EPHB1: variants seen among roughly 807,000 people sequenced by gnomAD.
The protein encoded by EPHB1 is EPH receptor B1, also known as ephrin type-B receptor 1.
In EPHB1, 30 loss-of-function variants were observed where a neutral mutation model predicts 94.4. The observed-to-expected ratio is 0.32, with a 90% CI of 0.24 to 0.43. The LOEUF is 0.43. EPHB1 is among the 20% of genes least tolerant of loss of function. The probability of loss-of-function intolerance (pLI) is 1.00; values close to 1 mark genes in which losing one functional copy is unlikely to be tolerated. For synonymous variants in EPHB1, 522 were observed against 489.1 expected (o/e 1.07, Z -0.89); for missense variants, 1,055 against 1,308.3 (o/e 0.81, Z 2.99).
intron 3 of EPHB1, among the ~76,000 whole-genome samples, chr3:134,975,340 G>C (rs1009050058): frequency 6.6e-6 from 1 of 152,152 alleles, no homozygotes; most frequent in Admixed American, 6.5e-5. Context: ...ATGCAGAACT[G>C]GGGTGGATTT....
At chr3:135,061,002 A>G (rs564251216) in intron 3 of EPHB1, among the ~76,000 whole-genome samples, 186 of 151,928 alleles carry the variant, frequency 1.2e-3, no homozygotes, top group African/African-American at 4.1e-3. Context: ...CATGAGTTCA[A>G]TTGTTTTGTT....
At chr3:134,856,826 T>C (rs2037130892) in intron 1 of EPHB1, among the ~76,000 whole-genome samples, 1 of 152,260 alleles carries the variant, frequency 6.6e-6, no homozygotes, top group African/African-American at 2.4e-5. Flanking sequence ...CTTTTATTGA[T>C]GTGACTAAAA....
chr3:134,986,313 T>A (rs1488435850), intron 3 of EPHB1, among the ~76,000 whole-genome samples: 3 of 152,120 alleles, frequency 2.0e-5, no homozygotes, highest in Non-Finnish European at 2.9e-5. Flanking sequence ...CAAGTAGGGG[T>A]GCTTTGTCTC....
intron 10 of EPHB1, among the ~76,000 whole-genome samples, chr3:135,186,499 T>G (rs1012510422): frequency 6.6e-6 from 1 of 152,238 alleles, no homozygotes; most frequent in Non-Finnish European, 1.5e-5. Flanking sequence ...TCTTTAAAAA[T>G]TCCATTTCTG....
chr3:134,795,551 G>C lies in EPHB1; in HGVS notation c.-81G>C. 3 of 1,380,352 alleles carry C rather than the reference G, an allele frequency of 2.2e-6. No individual in the cohort carries two copies. The highest frequency in any genetic ancestry group is 3.0e-6 in the Non-Finnish European group (3 of 996,866). The allele number at this position is 1,380,352 out of a possible 1,614,324, so 85.5% of individuals were successfully genotyped here. On this transcript the variant is annotated 5_prime_UTR_variant, in exon 1 of 16. Coordinates refer to ENST00000398015, the MANE Select transcript of EPHB1 (RefSeq NM_004441.5). The stretch of plus-strand genomic sequence containing the variant: ...GATACCGAGAAGCCACCCGCGGAGA[G>C]CGCAGCGGCGCCCTGGGACGCGGCG...
chr3:134,935,585 T>G (rs762914046), intron 2 of EPHB1, among the ~76,000 whole-genome samples: 11 of 152,214 alleles, frequency 7.2e-5, no homozygotes, highest in Non-Finnish European at 1.0e-4. Flanking sequence ...ATCTTATATA[T>G]AGAGTGATTG....
intron 1 of EPHB1, among the ~76,000 whole-genome samples, chr3:134,807,494 AGTGTGTGT>A (rs151336394): frequency 0.019 from 2,639 of 138,804 alleles, 26 homozygotes; most frequent in Middle Eastern, 0.08. Context: ...TTGGGGAAGG[AGTGTGTGT>A]GTGTGTGTGT....
chr3:135,209,680 G>A (rs1231556657), intron 12 of EPHB1, among the ~76,000 whole-genome samples: 4 of 152,322 alleles, frequency 2.6e-5, no homozygotes, highest in Admixed American at 2.6e-4. Context: ...ACATCTCTAG[G>A]ACAATTGTTG....
chr3:134,902,328 C>T (rs1205218871), intron 1 of EPHB1, among the ~76,000 whole-genome samples: 1 of 152,066 alleles, frequency 6.6e-6, no homozygotes, highest in Non-Finnish European at 1.5e-5. Flanking sequence ...GGAGGGTGTA[C>T]AAGTTTTTGG....
intron 1 of EPHB1, among the ~76,000 whole-genome samples, chr3:134,909,122 C>T (rs566719418): frequency 0.025 from 2,172 of 87,236 alleles, 30 homozygotes; most frequent in African/African-American, 0.051. Flanking sequence ...GGGCGGGGGG[C>T]GGGCTGGAAG....
intron 3 of EPHB1, among the ~76,000 whole-genome samples, chr3:135,092,313 C>G (rs1938583676): frequency 6.6e-6 from 1 of 152,150 alleles, no homozygotes; most frequent in African/African-American, 2.4e-5. Flanking sequence ...TGATGGGACC[C>G]TCCCTTCTGT....
At chr3:135,198,620 C>T (rs1942682705) in intron 11 of EPHB1, among the ~76,000 whole-genome samples, 2 of 152,156 alleles carry the variant, frequency 1.3e-5, no homozygotes, top group Admixed American at 6.5e-5. Context: ...CATGAAAACC[C>T]AGAGTTCTGG....
At chr3:135,105,155 G>A (rs992583078) in intron 3 of EPHB1, among the ~76,000 whole-genome samples, 7 of 152,142 alleles carry the variant, frequency 4.6e-5, no homozygotes, top group African/African-American at 1.7e-4. Flanking sequence ...TTTCCAGGAG[G>A]GAACAATACA....
At chr3:135,106,694 C>T in intron 4 of EPHB1, 91 bp downstream of exon 4, 1 of 1,515,536 alleles carries the variant, frequency 6.6e-7, no homozygotes, top group Non-Finnish European at 9.0e-7. Flanking sequence ...AGACATCATC[C>T]TTTGATCCCA....
chr3:135,136,486 T>C (rs1419496928), intron 5 of EPHB1, among the ~76,000 whole-genome samples: 1 of 152,170 alleles, frequency 6.6e-6, no homozygotes, highest in Non-Finnish European at 1.5e-5. Context: ...TTTGTTTTTG[T>C]TTTTGTTTCT....
intron 3 of EPHB1, among the ~76,000 whole-genome samples, chr3:134,954,989 C>T (rs1161639069): frequency 1.4e-5 from 2 of 147,404 alleles, no homozygotes; most frequent in South Asian, 2.2e-4. Context: ...ATGGGGAGAA[C>T]TTGCGCATTA....
chr3:135,100,320 G>C (rs990752928), intron 3 of EPHB1, among the ~76,000 whole-genome samples: 70 of 152,120 alleles, frequency 4.6e-4, no homozygotes, highest in African/African-American at 1.5e-3. Flanking sequence ...CTCCACATCT[G>C]AAAATTATAA....
chr3:134,806,575 G>A lies in EPHB1; in HGVS notation c.58+10886G>A, dbSNP rs568039728. On this transcript the variant is annotated intron_variant, in intron 1 of 15. Coordinates refer to ENST00000398015, the MANE Select transcript of EPHB1 (RefSeq NM_004441.5). ...GAGCAAAATCAATGTAGTAATTGTG[G>A]AAAACCACTGAGTTTGGGGTTGGAA... Among the ~76,000 whole-genome samples the A allele has an allele frequency of 4.6e-5, 7 of 152,294 alleles. No homozygotes were observed. In the South Asian group the frequency reaches 1.4e-3, roughly 32 times the overall value.
intron 3 of EPHB1, among the ~76,000 whole-genome samples, chr3:135,047,589 G>A: frequency 6.6e-6 from 1 of 152,076 alleles, no homozygotes; most frequent in Non-Finnish European, 1.5e-5. Context: ...TGTACTCAGA[G>A]GTCCCCGAGG....
Sources: allele counts gnomAD v4.1 joint callset (sites outside exome capture counted in the v4.1 genomes callset), GRCh38; gene constraint gnomAD v4.1.1; transcripts MANE v1.5; gene names NCBI Gene and HGNC (gene_info 2026-07-23, HGNC 2026-07-21).